Variants in BICDL1 observed in about 807,000 individuals in gnomAD.
BICDL1 encodes BICD family like cargo adaptor 1.
BICDL1 carries 20 observed loss-of-function variants against 76.8 expected under a neutral mutation model. That is an observed-to-expected ratio of 0.26 (90% CI 0.18 to 0.38). BICDL1 has a LOEUF of 0.38. Among genes scored for constraint, BICDL1 ranks in the 10% least tolerant of loss-of-function variants. BICDL1 has a pLI of 1.00. For missense variants in BICDL1, 700 were observed against 798.6 expected, an observed-to-expected ratio of 0.88 and a Z score of 1.49; for synonymous variants, 383 against 337.1, an observed-to-expected ratio of 1.14 and a Z score of -1.49.
chr12:120,070,305 G>C (rs949516949), intron 4 of BICDL1, among the ~76,000 whole-genome samples: 4 of 152,124 alleles, frequency 2.6e-5, no homozygotes, highest in Admixed American at 6.5e-5. Context: ...TCTTGGGTGA[G>C]ACTCTAATGG....
At chr12:120,013,905 T>C (rs1189570238) in intron 2 of BICDL1, among the ~76,000 whole-genome samples, 1 of 152,242 alleles carries the variant, frequency 6.6e-6, no homozygotes, top group Non-Finnish European at 1.5e-5. Context: ...TGTTTTAAGA[T>C]GGTGGAAACC....
chr12:119,994,512 C>T (rs1310621410), intron 1 of BICDL1, among the ~76,000 whole-genome samples: 3 of 150,206 alleles, frequency 2.0e-5, no homozygotes, highest in Admixed American at 6.6e-5. Flanking sequence ...TTTTTCGAGA[C>T]GGAGTCTCAC....
In BICDL1 at chr12:120,064,880, G is replaced by A. The variant is rs1444668139; in HGVS notation, c.909+1G>A. ...GCAGGGCCATGACAAGGACCTACAG[G>A]TACTGGGGTAGAGAAGCTGTCCTGC... On this transcript the variant is annotated splice_donor_variant, in intron 4 of 9. Coordinates refer to ENST00000548673, the MANE Select transcript of BICDL1 (RefSeq NM_001367886.1). LOFTEE classifies it high-confidence loss of function. 1 of 1,602,784 alleles carries A rather than the reference G, an allele frequency of 6.2e-7. No homozygotes were observed.
intron 2 of BICDL1, among the ~76,000 whole-genome samples, chr12:120,001,008 A>T (rs1951748786): frequency 6.6e-6 from 1 of 152,162 alleles, no homozygotes; most frequent in South Asian, 2.1e-4. Context: ...ACGTAGGAAG[A>T]TAACATTTCT....
At position 119,990,223 on chromosome 12, in the gene BICDL1, G is replaced by T; in HGVS notation, c.355G>T (p.Ala119Ser). ...DLVLAARLGK[A>S]LLERNQDMSR... The stretch of plus-strand genomic sequence containing the variant: ...GGTGTTGGCGGCCCGGCTGGGTAAG[G>T]CGCTGCTCGAGAGGAACCAGGACAT... The change falls in exon 1 of 10, where the codon GCG becomes TCG. Residue 119 changes from alanine to serine, a missense_variant. Physicochemically the swap from Ala to Ser is moderately conservative, Grantham distance 99 (BLOSUM62 1). This residue lies in a region of BICDL1 where 225 missense variants were observed against 199.6 expected (regional missense o/e 1.13). Transcript: ENST00000548673. 12 of 1,573,496 alleles carry T rather than the reference G, an allele frequency of 7.6e-6. No individual in the cohort carries two copies. The highest frequency in any genetic ancestry group is 1.0e-5 in the Non-Finnish European group (12 of 1,160,356).
At chr12:120,028,762 A>T (rs1464632058) in intron 2 of BICDL1, among the ~76,000 whole-genome samples, 2 of 152,188 alleles carry the variant, frequency 1.3e-5, no homozygotes, top group African/African-American at 4.8e-5. Context: ...AGTCCCAGCT[A>T]CTTGGAAGGC....
chr12:120,064,510 C>T, intron 3 of BICDL1: 1 of 303,646 alleles, frequency 3.3e-6, no homozygotes, highest in Non-Finnish European at 6.0e-6. Flanking sequence ...ATTCCAGCTT[C>T]CCCAGAGCTC....
At chr12:120,088,474 A>C (rs1414973480) in intron 8 of BICDL1, among the ~76,000 whole-genome samples, 1 of 151,728 alleles carries the variant, frequency 6.6e-6, no homozygotes, top group African/African-American at 2.4e-5. Flanking sequence ...CTCCTGCCTC[A>C]GCCTCCCGAG....
chr12:120,080,679 G>A, intron 7 of BICDL1: 1 of 443,904 alleles, frequency 2.3e-6, no homozygotes. Flanking sequence ...CTCCCTTGCT[G>A]CCGAGCTCAA....
At chr12:120,078,767 T>C (rs1873756058) in intron 7 of BICDL1, among the ~76,000 whole-genome samples, 2 of 152,246 alleles carry the variant, frequency 1.3e-5, no homozygotes, top group African/African-American at 4.8e-5. Context: ...TGAAGTTTCA[T>C]CTGGAGCATA....
rs1205226494 is a variant in BICDL1 at position 120,061,781 on chromosome 12, A to T, written c.717A>T (p.Ser239=). The T allele has an allele frequency of 6.2e-7, 1 of 1,614,208 alleles. No individual in the cohort carries two copies. The highest frequency in any genetic ancestry group is 1.1e-5 in the South Asian group (1 of 91,076). ...ALREDFREKN[S]STNQHIIRLE... ...GAGAAGACTTTCGGGAGAAAAACTC[A>T]TCAACCAACCAGCACATTATCCGGC... Residue 239 remains serine, a synonymous_variant, in exon 3 of 10, where the codon TCA becomes TCT. Transcript: ENST00000548673.
intron 2 of BICDL1, among the ~76,000 whole-genome samples, chr12:120,030,201 T>G (rs77588394): frequency 6.6e-6 from 1 of 152,184 alleles, no homozygotes; most frequent in African/African-American, 2.4e-5. Context: ...AAGTAAACAA[T>G]ACTGTATTAG....
rs1951465305 is a variant in BICDL1, at chr12:119,989,465, A to AGCAGCAGCG, written c.-396_-395insGGCAGCAGC. 6.8e-6 allele frequency among the ~76,000 whole-genome samples: 1 copy of AGCAGCAGCG among 147,304 alleles called. No homozygotes were observed. Among genetic ancestry groups the AGCAGCAGCG allele is most frequent in the African/African-American group, 2.6e-5 (1 of 39,210 alleles). ...GAGGCGCTGCCCGGCCGGCGGCGGCAGCAGCAGCAGCAGCGGCAGCGGCAA... is the reference window on the plus strand; with the variant it reads ...GAGGCGCTGCCCGGCCGGCGGCGGCAGCAGCAGCGGCAGCAGCAGCAGCGGCAGCGGCAA... On this transcript the variant is annotated 5_prime_UTR_variant, in exon 1 of 10. Coordinates refer to ENST00000548673, the MANE Select transcript of BICDL1 (RefSeq NM_001367886.1).
At chr12:120,006,141 G>A (rs1446624897) in intron 2 of BICDL1, among the ~76,000 whole-genome samples, 1 of 152,130 alleles carries the variant, frequency 6.6e-6, no homozygotes, top group African/African-American at 2.4e-5. Context: ...GGTTACCTGG[G>A]GAATGTGTGT....
intron 1 of BICDL1, among the ~76,000 whole-genome samples, chr12:119,991,937 A>G (rs1021616476): frequency 1.1e-4 from 17 of 152,252 alleles, no homozygotes; most frequent in African/African-American, 4.1e-4. Flanking sequence ...ATGGACAACA[A>G]TAGTTTAAAA....
rs568879999 is a variant in BICDL1, at chr12:120,093,730, C to T, written c.*569C>T. The T allele has an allele frequency of 5.8e-5, 10 of 171,168 alleles. No individual in the cohort carries two copies. Among genetic ancestry groups the T allele is most frequent in the African/African-American group, 1.9e-4 (8 of 41,724 alleles). The allele number at this position is 171,168 out of a possible 1,614,324, so 10.6% of individuals were successfully genotyped here. A position where few individuals can be genotyped will look rare whatever the true frequency, so the allele number is the denominator to read the frequency against. ...GCTGGCAGGAGGCCAAGCCTCTGGCCGCAGGGTCTAAGAGCCGGGGCTTAC... is the reference window on the plus strand; with the variant it reads ...GCTGGCAGGAGGCCAAGCCTCTGGCTGCAGGGTCTAAGAGCCGGGGCTTAC... On this transcript the variant is annotated 3_prime_UTR_variant, in exon 10 of 10. Coordinates refer to ENST00000548673, the MANE Select transcript of BICDL1 (RefSeq NM_001367886.1).
intron 9 of BICDL1, chr12:120,092,487 G>A (rs1875061101): frequency 2.0e-6 from 2 of 985,480 alleles, no homozygotes; most frequent in Non-Finnish European, 2.4e-6. Flanking sequence ...TGGTGCCTGG[G>A]CATCAGTAGC....
At chr12:120,048,133 GT>G (rs958372823) in intron 2 of BICDL1, among the ~76,000 whole-genome samples, 4 of 150,902 alleles carry the variant, frequency 2.7e-5, no homozygotes, top group African/African-American at 7.3e-5. Flanking sequence ...TATCAACACA[GT>G]TTTTTTTCTT....
chr12:120,091,296 C>T (rs1566274723), intron 9 of BICDL1: 5 of 1,074,588 alleles, frequency 4.7e-6, no homozygotes, highest in Non-Finnish European at 2.3e-6. Context: ...TGATGAGCAG[C>T]GTGTGTCTGG....
Sources: gnomAD v4.1 joint callset for allele counts (sites outside exome capture counted in the v4.1 genomes callset) on GRCh38, gnomAD v4.1.1 for gene constraint, gnomAD v4.1.1 regional missense constraint, MANE v1.5 for transcripts, NCBI Gene and HGNC (gene_info 2026-07-23, HGNC 2026-07-21) for gene names.